Variants in SLC13A3 observed in about 807,000 individuals in gnomAD.
The protein encoded by SLC13A3 is solute carrier family 13 member 3.
SLC13A3 carries 40 observed loss-of-function variants against 59.0 expected under a neutral mutation model. The ratio of observed to expected loss-of-function variants is 0.68; its 90% CI spans 0.53 to 0.88. The LOEUF (loss-of-function observed/expected upper bound fraction) is 0.88. Ranked by LOEUF, SLC13A3 falls within the 40% of genes least tolerant of loss-of-function variation. The pLI, the probability that SLC13A3 is intolerant of heterozygous loss-of-function variation, is 0.00. For synonymous variants in SLC13A3, 317 were observed against 330.3 expected (o/e 0.96, Z 0.44); for missense variants, 699 against 783.2 (o/e 0.89, Z 1.28).
chr20:46,655,619 G>T (rs1018473824), upstream of SLC13A3, among the ~76,000 whole-genome samples: 2 of 146,978 alleles, frequency 1.4e-5, no homozygotes, highest in South Asian at 4.2e-4. Flanking sequence ...CCATTCATTT[G>T]TTGATAGACA....
chr20:46,652,952 G>A (rs2062962479), upstream of SLC13A3, among the ~76,000 whole-genome samples: 3 of 152,186 alleles, frequency 2.0e-5, no homozygotes, highest in Non-Finnish European at 2.9e-5. Context: ...CATTCTGACA[G>A]GGACATAGTA....
intron 1 of SLC13A3, among the ~76,000 whole-genome samples, chr20:46,659,550 A>G (rs1443942063): frequency 2.6e-5 from 4 of 152,012 alleles, no homozygotes; most frequent in Non-Finnish European, 5.9e-5. Flanking sequence ...CCTCATCTCT[A>G]CAAAAAATAC....
At chr20:46,634,842 T>C (rs918308165) in intron 1 of SLC13A3, among the ~76,000 whole-genome samples, 12 of 152,196 alleles carry the variant, frequency 7.9e-5, no homozygotes, top group Non-Finnish European at 1.8e-4. Flanking sequence ...TCTTCCCAAC[T>C]GTCCAGCTGG....
At chr20:46,656,353 GTA>G (rs1178811382), upstream of SLC13A3, among the ~76,000 whole-genome samples, 2 of 88,020 alleles carry the variant, frequency 2.3e-5, no homozygotes, top group African/African-American at 4.0e-5. Context: ...ATATTATACT[GTA>G]TATGATATAC....
chr20:46,623,281 A>G (rs1337066405), intron 1 of SLC13A3, among the ~76,000 whole-genome samples: 1 of 152,250 alleles, frequency 6.6e-6, no homozygotes, highest in Non-Finnish European at 1.5e-5. Context: ...ATGCAGAAGA[A>G]TAACTACAGT....
chr20:46,588,362 A>G (rs1021209394), intron 7 of SLC13A3, among the ~76,000 whole-genome samples, 199 bp from the exon 8 acceptor site: 1 of 151,916 alleles, frequency 6.6e-6, no homozygotes, highest in Admixed American at 6.5e-5. Flanking sequence ...CTGTCCTAGG[A>G]CTTCCACGAT....
chr20:46,632,909 A>ACAGACAGACAGATAGCTCTT (rs1470202390), intron 1 of SLC13A3, among the ~76,000 whole-genome samples: 7 of 46,814 alleles, frequency 1.5e-4, no homozygotes, highest in African/African-American at 1.7e-4. Context: ...AGATAGATAG[A>ACAGACAGACAGATAGCTCTT]TATATCTATC....
chr20:46,645,109 C>G (rs2062881862), intron 1 of SLC13A3, among the ~76,000 whole-genome samples: 1 of 152,136 alleles, frequency 6.6e-6, no homozygotes, highest in African/African-American at 2.4e-5. Context: ...CTTCTGGAGG[C>G]CACCTGCATT....
At chr20:46,651,268 C>A in intron 1 of SLC13A3, 43 bp downstream of exon 1, 2 of 1,451,990 alleles carry the variant, frequency 1.4e-6, no homozygotes, top group Non-Finnish European at 1.8e-6. Context: ...AAGAGGATCC[C>A]GCCTGTGGTT....
rs373953053 is a variant in SLC13A3, at chr20:46,613,533, C to T, written c.304G>A (p.Ala102Thr). 47 of 1,613,688 alleles carry T rather than the reference C, an allele frequency of 2.9e-5. No homozygotes were observed. Among genetic ancestry groups the T allele is most frequent in the Non-Finnish European group, 3.7e-5 (44 of 1,179,898 alleles). The change falls in exon 2 of 13, where the codon GCC becomes ACC. Residue 102 changes from alanine (A) to threonine (T), a missense_variant. Transcript: ENST00000279027. Reference protein sequence around the residue: ...LFLSGLIMASAIEEWNLHRRI... With the variant: ...LFLSGLIMASTIEEWNLHRRI... ...CGGTGCAGGTTCCACTCCTCAATGG[C>T]GCTGGCCATGATCAGCCCACTGAGG...
intron 1 of SLC13A3, among the ~76,000 whole-genome samples, chr20:46,615,891 C>T (rs1346344489): frequency 1.3e-5 from 2 of 152,152 alleles, no homozygotes; most frequent in Non-Finnish European, 2.9e-5. Context: ...ACTTAAGATA[C>T]ATTGTTTTAG....
chr20:46,559,434 G>C lies in SLC13A3; in HGVS notation c.*588C>G, dbSNP rs1415503244. The C allele has an allele frequency of 6.6e-6, 1 of 152,368 alleles. No individual in the cohort carries two copies. Among genetic ancestry groups the C allele is most frequent in the Non-Finnish European group, 1.5e-5 (1 of 68,164 alleles). The allele number at this position is 152,368 out of a possible 1,614,324, so 9.4% of individuals were successfully genotyped here. A position where few individuals can be genotyped will look rare whatever the true frequency, so the allele number is the denominator to read the frequency against. On this transcript the variant is annotated 3_prime_UTR_variant, in exon 13 of 13. Transcript: ENST00000279027. Reference sequence around the variant, plus strand: ...GTCTCATGTCCTTGGAAAGCTATCTGTCCCTTTCCCTGTCTCCAAGGATTA... The same window carrying C: ...GTCTCATGTCCTTGGAAAGCTATCTCTCCCTTTCCCTGTCTCCAAGGATTA...
upstream of SLC13A3, among the ~76,000 whole-genome samples, chr20:46,654,135 C>T (rs1176709443): frequency 6.6e-6 from 1 of 152,152 alleles, no homozygotes; most frequent in Non-Finnish European, 1.5e-5. Flanking sequence ...TAAATAATAG[C>T]CATCCTAATA....
chr20:46,600,854 A>C (rs1004859803), intron 3 of SLC13A3, among the ~76,000 whole-genome samples: 4 of 152,208 alleles, frequency 2.6e-5, no homozygotes. Flanking sequence ...GTATGGAGGA[A>C]ATAGAACTGG....
intron 1 of SLC13A3, among the ~76,000 whole-genome samples, chr20:46,631,928 G>A (rs1202491312): frequency 6.6e-6 from 1 of 152,126 alleles, no homozygotes; most frequent in Non-Finnish European, 1.5e-5. Flanking sequence ...AAGAGAAGTG[G>A]TCTGTTCTCC....
chr20:46,638,515 G>C (rs530928390), intron 1 of SLC13A3, among the ~76,000 whole-genome samples: 19 of 152,350 alleles, frequency 1.2e-4, no homozygotes, highest in African/African-American at 4.6e-4. Context: ...CAGAGGGGCC[G>C]TCAGCTCCGT....
chr20:46,618,991 G>A (rs2062589196), intron 1 of SLC13A3, among the ~76,000 whole-genome samples: 1 of 152,244 alleles, frequency 6.6e-6, no homozygotes, highest in African/African-American at 2.4e-5. Flanking sequence ...CAGTAAGGCT[G>A]AGTCACTGCT....
intron 3 of SLC13A3, chr20:46,608,613 C>T: frequency 3.3e-6 from 1 of 303,028 alleles, no homozygotes; most frequent in Non-Finnish European, 6.2e-6. Flanking sequence ...TTCAGGGTTG[C>T]TGTGAAAATA....
chr20:46,676,087 T>A (rs2063123557), intron 1 of SLC13A3: 1 of 152,192 alleles, frequency 6.6e-6, no homozygotes, highest in Non-Finnish European at 1.5e-5. Context: ...TTTTGTGTTT[T>A]TAGTAGAGAC....
Sources: allele counts gnomAD v4.1 joint callset (sites outside exome capture counted in the v4.1 genomes callset), GRCh38; gene constraint gnomAD v4.1.1; transcripts MANE v1.5; gene names NCBI Gene and HGNC (gene_info 2026-07-23, HGNC 2026-07-21).